The following MPHOSPH6 variants were observed in gnomAD, a reference collection of about 807,000 sequenced individuals.
MPHOSPH6 encodes the protein M-phase phosphoprotein 6.
A neutral mutation model predicts 21.8 loss-of-function variants in MPHOSPH6; 25 were observed. The ratio of observed to expected loss-of-function variants is 1.15; its 90% CI spans 0.83 to 1.60. The LOEUF (loss-of-function observed/expected upper bound fraction) is 1.60, where lower values mean the gene tolerates loss of function less well. Ranked by LOEUF, MPHOSPH6 falls within the 40% of genes most tolerant of loss-of-function variation. MPHOSPH6 has a pLI of 0.00. For synonymous variants in MPHOSPH6, 84 were observed against 56.5 expected (o/e 1.49, Z -2.18); for missense variants, 269 against 181.8 (o/e 1.48, Z -2.76).
chr16:82,157,106 T>G (rs114548646), intron 2 of MPHOSPH6, among the ~76,000 whole-genome samples: 2,269 of 152,168 alleles, frequency 0.015, 58 homozygotes, highest in African/African-American at 0.052. Context: ...AACCCAATCA[T>G]GAGTTCTTTA....
At chr16:82,158,996 T>G (rs1252649851) in intron 2 of MPHOSPH6, among the ~76,000 whole-genome samples, 1 of 152,240 alleles carries the variant, frequency 6.6e-6, no homozygotes, top group East Asian at 1.9e-4. Flanking sequence ...AATTCACTGG[T>G]GTTTTCAGAT....
chr16:82,151,648 T>C, intron 2 of MPHOSPH6, 134 bp from the exon 3 acceptor site: 2 of 1,255,508 alleles, frequency 1.6e-6, no homozygotes, highest in Non-Finnish European at 1.0e-6. Context: ...GATTTCTAAC[T>C]TAGGGTTAAA....
At position 82,148,651 on chromosome 16, in the gene MPHOSPH6, A is replaced by C; in HGVS notation, c.*80T>G. The stretch of plus-strand genomic sequence containing the variant: ...TAAACGTTACAGTATTAATAACTAT[A>C]GAGACACCATTGGGATGAGCTCCAG... On this transcript the variant is annotated 3_prime_UTR_variant, in exon 5 of 5. Transcript: ENST00000258169. The C allele has an allele frequency of 6.6e-7, 1 of 1,512,144 alleles. No individual in the cohort carries two copies. The highest frequency in any genetic ancestry group is 1.2e-5 in the South Asian group (1 of 81,188). 93.7% of individuals were successfully genotyped at this position (1,512,144 alleles called of 1,614,324 possible). A position where few individuals can be genotyped will look rare whatever the true frequency, so the allele number is the denominator to read the frequency against.
intron 3 of MPHOSPH6, 24 bp from the exon 4 acceptor site, chr16:82,149,427 C>G (rs1001240691): frequency 1.9e-6 from 3 of 1,602,494 alleles, no homozygotes; most frequent in Non-Finnish European, 2.6e-6. Context: ...CAGTGCTGAC[C>G]TTCAGGCTAG....
In MPHOSPH6 at chr16:82,168,472, C is replaced by CTCCTT. The variant is rs1555541289; in HGVS notation, c.51+1652_51+1653insAAGGA. On this transcript the variant is annotated intron_variant, in intron 1 of 4. Transcript: ENST00000258169. The stretch of plus-strand genomic sequence containing the variant: ...TGCCCATATAATGTTTACTCTCTCT[C>CTCCTT]TTTTTTTTTTTTTTTTGAGACAGGG... Among the ~76,000 whole-genome samples, 80 of 47,968 alleles carry CTCCTT rather than the reference C, an allele frequency of 1.7e-3. 2 individuals are homozygous for CTCCTT. The highest frequency in any genetic ancestry group is 2.4e-3 in the East Asian group (2 of 836). The allele number at this position is 47,968 out of a possible 152,430, so 31.5% of individuals were successfully genotyped here.
intron 1 of MPHOSPH6, 103 bp downstream of exon 1, chr16:82,170,022 G>C (rs1267307793): frequency 7.7e-7 from 1 of 1,294,584 alleles, no homozygotes; most frequent in African/African-American, 1.5e-5. Flanking sequence ...AGCCCTCTGA[G>C]GCCTCTCTGG....
chr16:82,148,901 TA>T (rs758424914), intron 4 of MPHOSPH6, 38 bp from the exon 5 acceptor site: 1 of 1,609,358 alleles, frequency 6.2e-7, no homozygotes, highest in Non-Finnish European at 8.5e-7. Context: ...TAATTTCAAA[TA>T]AAAAGGTAGG....
At chr16:82,156,516 GGAA>G (rs746920238) in intron 2 of MPHOSPH6, among the ~76,000 whole-genome samples, 19 of 152,134 alleles carry the variant, frequency 1.2e-4, no homozygotes, top group Non-Finnish European at 2.5e-4. Context: ...TGGCCAAAAA[GGAA>G]GAAGTTCTTC....
At chr16:82,167,697 C>T (rs4889477) in intron 1 of MPHOSPH6, 99,125 of 152,050 alleles carry the variant, frequency 0.65, 34,434 homozygotes, top group East Asian at 0.78. Context: ...AGTAGGGTTT[C>T]TGATCCTAGG....
intron 2 of MPHOSPH6, among the ~76,000 whole-genome samples, chr16:82,159,457 T>C (rs1906536925): frequency 6.6e-6 from 1 of 152,082 alleles, no homozygotes; most frequent in Non-Finnish European, 1.5e-5. Context: ...CAGGCTGGAG[T>C]GCAGTAGCGC....
intron 2 of MPHOSPH6, among the ~76,000 whole-genome samples, chr16:82,159,238 A>G (rs1021967993): frequency 6.6e-6 from 1 of 152,216 alleles, no homozygotes; most frequent in Non-Finnish European, 1.5e-5. Flanking sequence ...AGATTTGCAA[A>G]AACAGAAAAC....
intron 2 of MPHOSPH6, among the ~76,000 whole-genome samples, chr16:82,161,783 G>C (rs1197999901): frequency 1.3e-5 from 2 of 152,152 alleles, no homozygotes; most frequent in African/African-American, 2.4e-5. Context: ...CCAAGTTGAG[G>C]CACAGCAGCT....
chr16:82,169,426 C>T (rs928185360), intron 1 of MPHOSPH6, among the ~76,000 whole-genome samples: 2 of 152,204 alleles, frequency 1.3e-5, no homozygotes, highest in Non-Finnish European at 2.9e-5. Context: ...CCCTCTTCTC[C>T]CTGGAAGAAG....
chr16:82,165,114 CTTTTTTATTTTTTTTTTTA>C (rs1906725671), intron 1 of MPHOSPH6, among the ~76,000 whole-genome samples: 1 of 63,932 alleles, frequency 1.6e-5, no homozygotes, highest in Non-Finnish European at 2.9e-5. Flanking sequence ...TCCGATATTT[CTTTTTTATTTTTTTTTTTA>C]TTTTTTTTTT....
intron 1 of MPHOSPH6, among the ~76,000 whole-genome samples, chr16:82,169,013 G>T (rs760708981): frequency 6.6e-6 from 1 of 152,166 alleles, no homozygotes; most frequent in African/African-American, 2.4e-5. Context: ...AGTTGCCTTA[G>T]CTGTAAGAAG....
chr16:82,164,659 G>T (rs73591483), intron 1 of MPHOSPH6: 11,530 of 153,862 alleles, frequency 0.075, 831 homozygotes, highest in African/African-American at 0.19. Context: ...CACCACATCT[G>T]AACTTTCTGA....
Position 82,151,426 on chromosome 16 carries a change from C to T in MPHOSPH6, c.253G>A (p.Glu85Lys). 1.2e-6 allele frequency: 2 copies of T among 1,605,436 alleles called. No individual in the cohort carries two copies. The highest frequency in any genetic ancestry group is 1.7e-6 in the Non-Finnish European group (2 of 1,177,216). The change falls in exon 3 of 5, where the codon GAG (glutamate) becomes AAG (lysine). Residue 85 changes from glutamate to lysine, a missense_variant and splice_region_variant. Glu to Lys is a moderately conservative substitution (Grantham distance 56, BLOSUM62 1). Transcript: ENST00000258169. ...MSFRGFNPEV[E>K]KLMLQMNAKH... ...TTTGAAGCAATTATATTTAATACCT[C>T]AACCTCAGGATTAAATCCTCTGAAT...
chr16:82,161,049 C>T (rs1197890232), intron 2 of MPHOSPH6, among the ~76,000 whole-genome samples: 1 of 152,192 alleles, frequency 6.6e-6, no homozygotes, highest in African/African-American at 2.4e-5. Context: ...GTTCATACCC[C>T]TTGCTCCCAT....
chr16:82,158,893 C>T (rs1394806236), intron 2 of MPHOSPH6, among the ~76,000 whole-genome samples: 1 of 152,184 alleles, frequency 6.6e-6, no homozygotes, highest in Non-Finnish European at 1.5e-5. Context: ...AAAATCTATA[C>T]AACTCATTTT....
Sources: allele counts gnomAD v4.1 joint callset (sites outside exome capture counted in the v4.1 genomes callset), GRCh38; gene constraint gnomAD v4.1.1; transcripts MANE v1.5; gene names NCBI Gene and HGNC (gene_info 2026-07-23, HGNC 2026-07-21).